Variants in CA10 observed in about 807,000 individuals in gnomAD.
CA10 encodes the protein carbonic anhydrase 10 (inactive), also known as carbonic anhydrase-related protein 10.
CA10 carries 14 observed loss-of-function variants against 44.2 expected under a neutral mutation model. The ratio of observed to expected loss-of-function variants is 0.32; its 90% CI spans 0.21 to 0.50. The LOEUF (loss-of-function observed/expected upper bound fraction) is 0.50, where lower values mean the gene tolerates loss of function less well. Among genes scored for constraint, CA10 ranks in the 20% least tolerant of loss-of-function variants. The pLI is 0.99. For synonymous variants in CA10, 159 were observed against 141.6 expected, an observed-to-expected ratio of 1.12 and a Z score of -0.87; for missense variants, 350 against 409.7, an observed-to-expected ratio of 0.85 and a Z score of 1.26.
At chr17:52,144,301 T>C (rs950049499) in intron 1 of CA10, among the ~76,000 whole-genome samples, 3 of 152,224 alleles carry the variant, frequency 2.0e-5, no homozygotes, top group African/African-American at 4.8e-5. Context: ...CTCACTTCTT[T>C]ATTGCTCTGG....
At chr17:51,939,914 A>G (rs1983012470) in intron 2 of CA10, among the ~76,000 whole-genome samples, 2 of 152,006 alleles carry the variant, frequency 1.3e-5, no homozygotes, top group Admixed American at 1.3e-4. Flanking sequence ...GGATTTGTTG[A>G]TAATTTTCTT....
At chr17:52,149,388 A>G (rs927290876) in intron 1 of CA10, among the ~76,000 whole-genome samples, 3 of 152,152 alleles carry the variant, frequency 2.0e-5, no homozygotes, top group African/African-American at 7.2e-5. Context: ...TAATCTCTCC[A>G]CTGCCATCCT....
chr17:52,051,508 C>CAT (rs1309066231), intron 2 of CA10, among the ~76,000 whole-genome samples: 2 of 149,398 alleles, frequency 1.3e-5, no homozygotes, highest in Non-Finnish European at 3.0e-5. Flanking sequence ...CGACAGAAGA[C>CAT]ATATATGCAG....
intron 2 of CA10, among the ~76,000 whole-genome samples, chr17:51,931,384 T>C (rs529836019): frequency 5.9e-5 from 9 of 152,302 alleles, no homozygotes; most frequent in African/African-American, 1.7e-4. Context: ...GTTTCTTTGT[T>C]GACTGCAGTC....
chr17:51,812,560 G>A (rs1907413501), intron 3 of CA10, among the ~76,000 whole-genome samples: 1 of 152,222 alleles, frequency 6.6e-6, no homozygotes, highest in Non-Finnish European at 1.5e-5. Flanking sequence ...TTGAGGCCTT[G>A]AAGAAGATAT....
intron 2 of CA10, among the ~76,000 whole-genome samples, chr17:51,964,555 C>A (rs1984010155): frequency 6.6e-6 from 1 of 151,766 alleles, no homozygotes; most frequent in African/African-American, 2.4e-5. Flanking sequence ...TTACACCAAC[C>A]ATACTCTCAG....
intron 1 of CA10, 146 bp from the exon 2 acceptor site, chr17:52,072,539 C>T (rs199500952): frequency 2.7e-4 from 102 of 379,962 alleles, no homozygotes; most frequent in Admixed American, 9.3e-4. Flanking sequence ...TCTCCCTTCC[C>T]TTTTTTTTTT....
chr17:52,096,144 C>A (rs1292207214), intron 1 of CA10, among the ~76,000 whole-genome samples: 1 of 152,126 alleles, frequency 6.6e-6, no homozygotes, highest in Non-Finnish European at 1.5e-5. Flanking sequence ...TAAGGTTCAC[C>A]TGGCTGCCAA....
chr17:52,134,340 A>G (rs752072747), intron 1 of CA10, among the ~76,000 whole-genome samples: 3 of 152,118 alleles, frequency 2.0e-5, no homozygotes, highest in Non-Finnish European at 4.4e-5. Context: ...TTGGGAGATG[A>G]TGGTTTTCTT....
intron 3 of CA10, among the ~76,000 whole-genome samples, chr17:51,839,330 A>C (rs1978300004): frequency 6.6e-6 from 1 of 151,972 alleles, no homozygotes; most frequent in African/African-American, 2.4e-5. Flanking sequence ...GTCTCTACTT[A>C]AAATACAAAA....
intron 3 of CA10, among the ~76,000 whole-genome samples, chr17:51,812,544 T>C (rs6504749): frequency 0.75 from 114,168 of 152,172 alleles, 43,150 homozygotes; most frequent in East Asian, 0.86. Flanking sequence ...CACTAATCCA[T>C]GGATGTTGAG....
In CA10 at chr17:51,775,973, G is replaced by A. The variant is rs1905802444; in HGVS notation, c.280-28155C>T. On this transcript the variant is annotated intron_variant, in intron 3 of 8. Coordinates refer to ENST00000451037, the MANE Select transcript of CA10 (RefSeq NM_020178.5). ...AGGCCAATTGTGCAGGATCTTGTGG[G>A]TCAGATTGAGAATACCCTAGGTGTT... is the stretch of plus-strand genomic sequence containing the variant. Among the ~76,000 whole-genome samples the A allele has an allele frequency of 2.0e-5, 3 of 152,258 alleles. No individual in the cohort carries two copies. The South Asian group carries it at 6.2e-4, about 32-fold the overall frequency.
At chr17:52,088,144 G>A (rs929513316) in intron 1 of CA10, among the ~76,000 whole-genome samples, 1 of 152,012 alleles carries the variant, frequency 6.6e-6, no homozygotes, top group African/African-American at 2.4e-5. Context: ...TTACCACCTG[G>A]GTGATGAAAT....
chr17:51,786,214 C>CTGTGTGTGTGTG (rs71357856), intron 3 of CA10, among the ~76,000 whole-genome samples: 4 of 148,024 alleles, frequency 2.7e-5, no homozygotes, highest in East Asian at 4.0e-4. Flanking sequence ...CTTTGTGTGT[C>CTGTGTGTGTGTG]TGTGTGTGTG....
chr17:51,717,829 G>GTATATATATGTATATATATACGTGTA lies in CA10; in HGVS notation c.465+29803_465+29804insTACACGTATATATATACATATATATA, dbSNP rs1916205232. ...TATATACACGTATATATATGTGTGT[G>GTATATATATGTATATATATACGTGTA]TATATATATATATATATATATATAT... On this transcript the variant is annotated intron_variant, in intron 4 of 8. Transcript: ENST00000451037. 1.5e-3 allele frequency among the ~76,000 whole-genome samples: 12 copies of GTATATATATGTATATATATACGTGTA among 7,916 alleles called. 1 individual carries two copies. Among genetic ancestry groups the GTATATATATGTATATATATACGTGTA allele is most frequent in the Admixed American group, 0.011 (3 of 270 alleles). 5.2% of individuals were successfully genotyped at this position (7,916 alleles called of 152,430 possible).
intron 2 of CA10, among the ~76,000 whole-genome samples, chr17:52,066,810 C>G (rs1017624190): frequency 6.6e-6 from 1 of 152,106 alleles, no homozygotes; most frequent in Non-Finnish European, 1.5e-5. Flanking sequence ...TTTGCTCCAC[C>G]CCAGAGATCT....
Position 51,709,645 on chromosome 17 carries a change from T to C in CA10, c.465+37988A>G, listed in dbSNP as rs188485868. ...AGCAACCTAGACTAGAAGTGGAACT[T>C]ACTAGACAGAATAGCATATGCAAAT... On this transcript the variant is annotated intron_variant, in intron 4 of 8. Coordinates refer to ENST00000451037, the MANE Select transcript of CA10 (RefSeq NM_020178.5). 5.3e-5 allele frequency among the ~76,000 whole-genome samples: 8 copies of C among 152,344 alleles called. No individual in the cohort carries two copies. The East Asian group carries it at 1.5e-3, about 29-fold the overall frequency.
intron 3 of CA10, among the ~76,000 whole-genome samples, chr17:51,790,504 TCTG>T (rs1269632516): frequency 6.6e-6 from 1 of 152,210 alleles, no homozygotes; most frequent in Non-Finnish European, 1.5e-5. Flanking sequence ...TTCTTTTCTC[TCTG>T]CTATTTGTCT....
At chr17:51,797,375 C>T (rs542341127) in intron 3 of CA10, among the ~76,000 whole-genome samples, 12 of 152,288 alleles carry the variant, frequency 7.9e-5, no homozygotes, top group African/African-American at 2.4e-4. Context: ...CGCACACACG[C>T]ACACCCCGCC....
Sources: allele counts gnomAD v4.1 joint callset (sites outside exome capture counted in the v4.1 genomes callset), GRCh38; gene constraint gnomAD v4.1.1; transcripts MANE v1.5; gene names NCBI Gene and HGNC (gene_info 2026-07-23, HGNC 2026-07-21).